The following ECT2 variants were observed in gnomAD, a reference collection of about 807,000 sequenced individuals.
ECT2 encodes the protein epithelial cell transforming 2.
A neutral mutation model predicts 116.9 loss-of-function variants in ECT2; 61 were observed. The observed-to-expected ratio is 0.52, with a 90% confidence interval of 0.42 to 0.65. The LOEUF (loss-of-function observed/expected upper bound fraction) is 0.65, where lower values mean the gene tolerates loss of function less well. ECT2 is among the 30% of genes least tolerant of loss of function. The pLI is 0.00. For synonymous variants in ECT2, 358 were observed against 346.4 expected (o/e 1.03, Z -0.37); for missense variants, 937 against 1,078.7 (o/e 0.87, Z 1.84).
intron 14 of ECT2, among the ~76,000 whole-genome samples, chr3:172,777,210 G>A (rs183001659): frequency 6.6e-6 from 1 of 152,232 alleles, no homozygotes; most frequent in Admixed American, 6.5e-5. Context: ...GACTTTAAGT[G>A]CTTCAGTTTT....
At chr3:172,816,863 A>G in intron 24 of ECT2, 26 bp downstream of exon 24, 1 of 1,501,042 alleles carries the variant, frequency 6.7e-7, no homozygotes. Flanking sequence ...TTAATGGGGT[A>G]AATGACTTAT....
At chr3:172,794,198 A>G (rs1212799927) in intron 18 of ECT2, among the ~76,000 whole-genome samples, 1 of 151,902 alleles carries the variant, frequency 6.6e-6, no homozygotes, top group Non-Finnish European at 1.5e-5. Context: ...TTTTTTTCTT[A>G]TTTTCTTTAA....
rs572207322 is a variant in ECT2, at chr3:172,801,485, C to T, written c.1908-1131C>T. 1.7e-4 allele frequency among the ~76,000 whole-genome samples: 26 copies of T among 152,288 alleles called. No individual in the cohort carries two copies. The Middle Eastern group carries it at 0.014, about 80-fold the overall frequency. ...AGCACTGTTAACTCTGATTTTTTAA[C>T]GTGTCTTCCCTAACCTCGGATAGTT... On this transcript the variant is annotated intron_variant, in intron 18 of 24. Coordinates refer to ENST00000392692, the MANE Select transcript of ECT2 (RefSeq NM_001258315.2).
chr3:172,772,530 T>A (rs942021695), intron 13 of ECT2, among the ~76,000 whole-genome samples: 5 of 152,204 alleles, frequency 3.3e-5, no homozygotes, highest in African/African-American at 1.2e-4. Flanking sequence ...ACTAGTCCTT[T>A]GTCAAACATG....
intron 12 of ECT2, among the ~76,000 whole-genome samples, chr3:172,767,852 C>T (rs1003183551): frequency 6.6e-6 from 1 of 151,998 alleles, no homozygotes; most frequent in Admixed American, 6.6e-5. Context: ...CTGCCTCAGC[C>T]TCCTGAGTAG....
chr3:172,782,553 T>A (rs2108672040), intron 15 of ECT2, among the ~76,000 whole-genome samples: 1 of 152,324 alleles, frequency 6.6e-6, no homozygotes, highest in South Asian at 2.1e-4. Context: ...ATTTTCATTT[T>A]AAGTTCAGGA....
chr3:172,816,366 C>CT (rs1462399384), intron 23 of ECT2, among the ~76,000 whole-genome samples: 1 of 152,066 alleles, frequency 6.6e-6, no homozygotes, highest in Non-Finnish European at 1.5e-5. Context: ...TTCCTTCACT[C>CT]TTTCAATAAA....
chr3:172,804,887 A>G (rs1428179211), intron 20 of ECT2, among the ~76,000 whole-genome samples: 3 of 99,044 alleles, frequency 3.0e-5, no homozygotes, highest in Non-Finnish European at 6.9e-5. Context: ...TCTTGAATCT[A>G]TTGATTTTTT....
At position 172,766,152 on chromosome 3, in the gene ECT2, G is replaced by A. The variant is rs116218270; in HGVS notation, c.1291+1652G>A. Among the ~76,000 whole-genome samples, 497 of 152,294 alleles carry A rather than the reference G, an allele frequency of 3.3e-3. 2 individuals are homozygous for A. Among genetic ancestry groups the A allele is most frequent in the Middle Eastern group, 0.017 (5 of 294 alleles). ...GGTATTCACTAAATACTTAAGGGAA[G>A]AACTGAAAGTGAATTCAAGGTTGGC... On this transcript the variant is annotated intron_variant, in intron 12 of 24. Coordinates refer to ENST00000392692, the MANE Select transcript of ECT2 (RefSeq NM_001258315.2).
chr3:172,782,389 AC>A (rs1722868157), intron 15 of ECT2, among the ~76,000 whole-genome samples, 158 bp downstream of exon 15: 1 of 152,210 alleles, frequency 6.6e-6, no homozygotes, highest in Admixed American at 6.5e-5. Context: ...GTCTTCTGAA[AC>A]ATGCCTTCTG....
rs548127423 is a variant in ECT2, at chr3:172,760,799, C to G, written c.684+536C>G. On this transcript the variant is annotated intron_variant, in intron 7 of 24. Coordinates refer to ENST00000392692, the MANE Select transcript of ECT2 (RefSeq NM_001258315.2). ...GCAGTGGTGCCATCTCGGCTCACTGCAAGCTCCGCCTCCTGGGTTCACGCC... is the reference window on the plus strand; with the variant it reads ...GCAGTGGTGCCATCTCGGCTCACTGGAAGCTCCGCCTCCTGGGTTCACGCC... 2.1e-5 allele frequency among the ~76,000 whole-genome samples: 3 copies of G among 144,230 alleles called. No individual in the cohort carries two copies. The South Asian group carries it at 6.8e-4, about 33-fold the overall frequency. 94.6% of individuals were successfully genotyped at this position (144,230 alleles called of 152,430 possible).
intron 18 of ECT2, among the ~76,000 whole-genome samples, chr3:172,793,956 A>G (rs1725158267): frequency 6.6e-6 from 1 of 151,806 alleles, no homozygotes; most frequent in South Asian, 2.1e-4. Flanking sequence ...TTTTTTTTGT[A>G]ATTGAATTTT....
At chr3:172,776,522 C>G (rs1721773146) in intron 14 of ECT2, among the ~76,000 whole-genome samples, 1 of 151,872 alleles carries the variant, frequency 6.6e-6, no homozygotes, top group Non-Finnish European at 1.5e-5. Context: ...TGAGCATTAC[C>G]ACATCTATTG....
At chr3:172,773,756 T>TG in intron 13 of ECT2, 147 bp from the exon 14 acceptor site, 1 of 776,960 alleles carries the variant, frequency 1.3e-6, no homozygotes, top group Non-Finnish European at 2.0e-6. Context: ...ATAGAAAATA[T>TG]GGGGAAAATG....
At position 172,758,999 on chromosome 3, in the gene ECT2, G is replaced by A. The variant is rs1271413403; in HGVS notation, c.506G>A (p.Arg169His). The part of the protein sequence containing the change: ...QKGEPLPFSC[R>H]PLYCTSMMNL... ...CTTCAGCCTTTGCCATTTTCATGTC[G>A]CCCGTTGTATTGTACAAGTATGATG... Residue 169 changes from arginine (R) to histidine (H), a missense_variant, in exon 6 of 25, where the codon CGC (arginine) becomes CAC (histidine). Coordinates refer to ENST00000392692, the MANE Select transcript of ECT2 (RefSeq NM_001258315.2). 7 of 1,609,254 alleles carry A rather than the reference G, an allele frequency of 4.3e-6. No homozygotes were observed. Among genetic ancestry groups the A allele is most frequent in the African/African-American group, 2.7e-5 (2 of 74,606 alleles).
downstream of ECT2, among the ~76,000 whole-genome samples, chr3:172,825,690 C>G (rs141289841): frequency 4.6e-5 from 7 of 152,120 alleles, no homozygotes; most frequent in Non-Finnish European, 7.4e-5. Flanking sequence ...GCTGCAGAAG[C>G]CTGAAGCTAG....
rs1730511205 is a variant in ECT2 at position 172,820,184 on chromosome 3, T to G, written c.2692T>G (p.Phe898Val). 1 of 1,610,740 alleles carries G rather than the reference T, an allele frequency of 6.2e-7. No homozygotes were observed. The highest frequency in any genetic ancestry group is 1.7e-5 in the Admixed American group (1 of 59,860). ...PSPSLVSLPS[F>V]FERRSHTLSR... The stretch of plus-strand genomic sequence containing the variant: ...TCCCTCCCTTGTCAGCCTTCCTTCC[T>G]TCTTTGAAAGGAGAAGTCATACGTT... Residue 898 changes from phenylalanine to valine, a missense_variant, in exon 25 of 25, where the codon TTC (phenylalanine) becomes GTC (valine). Coordinates refer to ENST00000392692, the MANE Select transcript of ECT2 (RefSeq NM_001258315.2).
intron 1 of ECT2, chr3:172,751,238 G>A (rs1715726054): frequency 6.6e-6 from 1 of 152,262 alleles, no homozygotes; most frequent in South Asian, 2.1e-4. Flanking sequence ...TTTATTCTAG[G>A]ATTCATCCTG....
chr3:172,800,577 T>TA (rs1273655192), intron 18 of ECT2, among the ~76,000 whole-genome samples: 21 of 152,302 alleles, frequency 1.4e-4, no homozygotes, highest in Non-Finnish European at 7.4e-5. Context: ...AATTTATCGT[T>TA]ATATTTTATT....
Sources: allele counts gnomAD v4.1 joint callset (sites outside exome capture counted in the v4.1 genomes callset), GRCh38; gene constraint gnomAD v4.1.1; transcripts MANE v1.5; gene names NCBI Gene and HGNC (gene_info 2026-07-23, HGNC 2026-07-21).